ADPRM: variants seen among roughly 807,000 people sequenced by gnomAD.
The protein encoded by ADPRM is manganese-dependent ADP-ribose/CDP-alcohol diphosphatase.
ADPRM carries 17 observed loss-of-function variants against 27.2 expected under a neutral mutation model. That is an observed-to-expected ratio of 0.63 (90% CI 0.43 to 0.94). The LOEUF is 0.94. Ranked by LOEUF, ADPRM falls within the 40% of genes least tolerant of loss-of-function variation. ADPRM has a pLI of 0.00. For synonymous variants in ADPRM, 135 were observed against 145.3 expected, an observed-to-expected ratio of 0.93 and a Z score of 0.51; for missense variants, 337 against 412.8, an observed-to-expected ratio of 0.82 and a Z score of 1.59.
At chr17:10,709,056 T>C (rs891091431) in intron 3 of ADPRM, among the ~76,000 whole-genome samples, 2 of 152,220 alleles carry the variant, frequency 1.3e-5, no homozygotes, top group Non-Finnish European at 2.9e-5. Context: ...TAGTAAAGTT[T>C]AAAAGTTAAA....
chr17:10,706,924 G>A (rs1165868612), intron 3 of ADPRM, among the ~76,000 whole-genome samples: 2 of 152,080 alleles, frequency 1.3e-5, no homozygotes, highest in Non-Finnish European at 2.9e-5. Flanking sequence ...TCACTTATAT[G>A]CTTTGCTGTT....
At chr17:10,699,922 A>C (rs945055546) in intron 1 of ADPRM, among the ~76,000 whole-genome samples, 4 of 152,270 alleles carry the variant, frequency 2.6e-5, no homozygotes, top group African/African-American at 9.6e-5. Flanking sequence ...TTTGTTCTTG[A>C]CATAACTTTA....
In ADPRM at chr17:10,711,030, C is replaced by G; in HGVS notation, c.915C>G (p.Asp305Glu). ...NLEGVIETAP[D>E]SQAFGTVHVY... ...AAGGAGTTATTGAAACAGCTCCAGA[C>G]AGCCAAGCCTTTGGCACAGTTCATG... The change falls in exon 4 of 4, where the codon GAC becomes GAG. Residue 305 changes from aspartate (D) to glutamate (E), a missense_variant. By Grantham distance (45) the Asp-to-Glu change is conservative. Transcript: ENST00000379774. 1 of 1,614,138 alleles carries G rather than the reference C, an allele frequency of 6.2e-7. No individual in the cohort carries two copies. The highest frequency in any genetic ancestry group is 8.5e-7 in the Non-Finnish European group (1 of 1,179,996).
intron 1 of ADPRM, among the ~76,000 whole-genome samples, chr17:10,704,486 CAAAAAAAAA>C (rs201571510): frequency 1.2e-4 from 9 of 76,752 alleles, no homozygotes; most frequent in African/African-American, 2.0e-4. Flanking sequence ...CACAGCTTTC[CAAAAAAAAA>C]AAAAAAAAAA....
rs759343229 is a variant in ADPRM at position 10,697,625 on chromosome 17, T to C, written c.-60T>C. On this transcript the variant is annotated 5_prime_UTR_variant, in exon 1 of 4. Transcript: ENST00000379774. The stretch of plus-strand genomic sequence containing the variant: ...CCCGCTCGTTGGTGGCGCTGTTACA[T>C]AGCCCGTAGTCAGAGGCCTTTCAGC... The C allele has an allele frequency of 3.9e-6, 5 of 1,285,148 alleles. No individual in the cohort carries two copies. In the East Asian group the frequency reaches 7.4e-5, roughly 19 times the overall value. 79.6% of individuals were successfully genotyped at this position (1,285,148 alleles called of 1,614,324 possible).
chr17:10,698,189 T>A (rs1033652875), intron 1 of ADPRM: 3 of 152,248 alleles, frequency 2.0e-5, no homozygotes, highest in African/African-American at 7.2e-5. Context: ...TGTAAAGAAA[T>A]ATAGACAGCA....
chr17:10,701,333 A>G lies in ADPRM; in HGVS notation c.-17-3577A>G, dbSNP rs183404123. On this transcript the variant is annotated intron_variant, in intron 1 of 3. Transcript: ENST00000379774. Reference sequence around the variant, plus strand: ...TTTCTTTTTTAAAAAAACTTTATGTATACTTTTTTTTTTTTGAGATGGAGT... The same window carrying G: ...TTTCTTTTTTAAAAAAACTTTATGTGTACTTTTTTTTTTTTGAGATGGAGT... 1.1e-3 allele frequency among the ~76,000 whole-genome samples: 172 copies of G among 150,270 alleles called. 1 individual carries two copies. Among genetic ancestry groups the G allele is most frequent in the East Asian group, 7.7e-4 (4 of 5,168 alleles).
intron 1 of ADPRM, among the ~76,000 whole-genome samples, chr17:10,700,646 C>T (rs2074770533): frequency 6.6e-6 from 1 of 150,900 alleles, no homozygotes; most frequent in Admixed American, 6.6e-5. Context: ...TGCCTGTAGT[C>T]TTAGCTACCA....
In ADPRM at chr17:10,705,016, C is replaced by G. The variant is rs761123314; in HGVS notation, c.90C>G (p.Asp30Glu). The G allele has an allele frequency of 6.2e-7, 1 of 1,614,160 alleles. No individual in the cohort carries two copies. The highest frequency in any genetic ancestry group is 8.5e-7 in the Non-Finnish European group (1 of 1,180,034). ...TCATCGCAGATGTTCAATTTGCAGA[C>G]TTAGAAGATGGCTTTAATTTCCAAG... The part of the protein sequence containing the change: ...FGVIADVQFA[D>E]LEDGFNFQGT... Residue 30 changes from aspartate (D) to glutamate (E), a missense_variant, in exon 2 of 4, where the codon GAC becomes GAG. Transcript: ENST00000379774. This position sits in a 1 kb window ranked among gnomAD's most constrained non-coding sequence, Gnocchi z 5.4.
At chr17:10,701,080 C>T (rs965270710) in intron 1 of ADPRM, among the ~76,000 whole-genome samples, 36 of 152,142 alleles carry the variant, frequency 2.4e-4, no homozygotes, top group Admixed American at 6.5e-4. Context: ...TATTTTGCTT[C>T]AGGAAACACG....
chr17:10,700,441 G>A (rs2074768821), intron 1 of ADPRM, among the ~76,000 whole-genome samples: 1 of 150,848 alleles, frequency 6.6e-6, no homozygotes, highest in African/African-American at 2.4e-5. Flanking sequence ...ACCAGCCTGG[G>A]CAACATGGCA....
intron 2 of ADPRM, 122 bp from the exon 3 acceptor site, chr17:10,706,316 G>T: frequency 1.6e-6 from 1 of 643,212 alleles, no homozygotes; most frequent in South Asian, 1.9e-5. Context: ...CCTATTTTAA[G>T]TTGATTGTTG....
Position 10,705,268 on chromosome 17 carries a change from T to C in ADPRM, c.342T>C (p.Tyr114=). The C allele has an allele frequency of 1.2e-6, 2 of 1,614,040 alleles. No homozygotes were observed. Among genetic ancestry groups the C allele is most frequent in the Non-Finnish European group, 1.7e-6 (2 of 1,179,968 alleles). ...ATACATGGGGAAACCATGAATTCTATAACTTCAGTAGAGAGTATTTAACAC... is the reference window on the plus strand; with the variant it reads ...ATACATGGGGAAACCATGAATTCTACAACTTCAGTAGAGAGTATTTAACAC... ...VHHTWGNHEF[Y]NFSREYLTHS... Residue 114 remains tyrosine (Y), a synonymous_variant, in exon 2 of 4, where the codon TAT becomes TAC. Transcript: ENST00000379774. The surrounding 1 kb of genome is among the most constrained non-coding windows in gnomAD (Gnocchi z 5.4).
chr17:10,700,894 T>C (rs2074772457), intron 1 of ADPRM, among the ~76,000 whole-genome samples: 2 of 152,206 alleles, frequency 1.3e-5, no homozygotes, highest in African/African-American at 4.8e-5. Context: ...ATTATTCTCT[T>C]CTATTAAAAT....
At chr17:10,700,186 C>T (rs796072930) in intron 1 of ADPRM, among the ~76,000 whole-genome samples, 38 of 152,308 alleles carry the variant, frequency 2.5e-4, no homozygotes, top group African/African-American at 8.7e-4. Flanking sequence ...CTAGACTTTC[C>T]CTGCTGCCCC....
At position 10,698,081 on chromosome 17, in the gene ADPRM, A is replaced by G. The variant is rs1391703418; in HGVS notation, c.-18+414A>G. 9.1e-5 allele frequency: 14 copies of G among 154,576 alleles called. No individual in the cohort carries two copies. The Admixed American group carries it at 9.1e-4, about 10-fold the overall frequency. The allele number at this position is 154,576 out of a possible 1,614,324, so 9.6% of individuals were successfully genotyped here. ...CTTAAAAAAAATTGCTAATTAGGAT[A>G]ATTTGAGTGGTTAGGGCGGTCTGGA... On this transcript the variant is annotated intron_variant, in intron 1 of 3. Coordinates refer to ENST00000379774, the MANE Select transcript of ADPRM (RefSeq NM_020233.5).
chr17:10,709,508 T>C (rs944156549), intron 3 of ADPRM, among the ~76,000 whole-genome samples: 1 of 152,024 alleles, frequency 6.6e-6, no homozygotes, highest in African/African-American at 2.4e-5. Context: ...GACTGGAAAT[T>C]AGTGGCCATT....
Position 10,697,630 on chromosome 17 carries a change from C to T in ADPRM, c.-55C>T, listed in dbSNP as rs560867516. 2.0e-3 allele frequency: 2,469 copies of T among 1,261,980 alleles called. 22 individuals are homozygous for T. The highest frequency in any genetic ancestry group is 0.012 in the South Asian group (975 of 78,936). 78.2% of individuals were successfully genotyped at this position (1,261,980 alleles called of 1,614,324 possible). A position where few individuals can be genotyped will look rare whatever the true frequency, so the allele number is the denominator to read the frequency against. On this transcript the variant is annotated 5_prime_UTR_variant, in exon 1 of 4. Coordinates refer to ENST00000379774, the MANE Select transcript of ADPRM (RefSeq NM_020233.5). Reference sequence around the variant, plus strand: ...TCGTTGGTGGCGCTGTTACATAGCCCGTAGTCAGAGGCCTTTCAGCCCAGG... The same window carrying T: ...TCGTTGGTGGCGCTGTTACATAGCCTGTAGTCAGAGGCCTTTCAGCCCAGG...
Position 10,697,645 on chromosome 17 carries a change from T to C in ADPRM, c.-40T>C. Reference sequence around the variant, plus strand: ...TTACATAGCCCGTAGTCAGAGGCCTTTCAGCCCAGGGGCCGGCGCACGGTA... The same window carrying C: ...TTACATAGCCCGTAGTCAGAGGCCTCTCAGCCCAGGGGCCGGCGCACGGTA... On this transcript the variant is annotated 5_prime_UTR_variant, in exon 1 of 4. Transcript: ENST00000379774. 6 of 1,109,910 alleles carry C rather than the reference T, an allele frequency of 5.4e-6. No individual in the cohort carries two copies. The highest frequency in any genetic ancestry group is 8.0e-6 in the Non-Finnish European group (6 of 753,418). The allele number at this position is 1,109,910 out of a possible 1,614,324, so 68.8% of individuals were successfully genotyped here.
Sources: gnomAD v4.1 joint callset for allele counts (sites outside exome capture counted in the v4.1 genomes callset) on GRCh38, gnomAD v4.1.1 for gene constraint, Gnocchi (gnomAD v3.1) non-coding constraint, MANE v1.5 for transcripts, NCBI Gene and HGNC (gene_info 2026-07-23, HGNC 2026-07-21) for gene names.